CWC27: variants seen among roughly 807,000 people sequenced by gnomAD.
The protein encoded by CWC27 is spliceosome-associated protein CWC27 homolog.
CWC27 carries 47 observed loss-of-function variants against 63.6 expected under a neutral mutation model. That is an observed-to-expected ratio of 0.74 (90% confidence interval 0.58 to 0.94). CWC27 has a LOEUF of 0.94. CWC27 is among the 40% of genes least tolerant of loss of function. The probability of loss-of-function intolerance (pLI) is 0.00; values close to 1 mark genes in which losing one functional copy is unlikely to be tolerated. For synonymous variants in CWC27, 175 were observed against 179.8 expected, an observed-to-expected ratio of 0.97 and a Z score of 0.22; for missense variants, 495 against 554.3, an observed-to-expected ratio of 0.89 and a Z score of 1.07.
intron 10 of CWC27, among the ~76,000 whole-genome samples, chr5:64,826,198 T>C (rs553439851): frequency 4.5e-4 from 69 of 152,334 alleles, no homozygotes; most frequent in Non-Finnish European, 5.7e-4. Context: ...GTGTTCTCAT[T>C]TTCATTCAGC....
At chr5:64,964,232 C>T (rs1305470621) in intron 11 of CWC27, among the ~76,000 whole-genome samples, 1 of 152,136 alleles carries the variant, frequency 6.6e-6, no homozygotes, top group Non-Finnish European at 1.5e-5. Flanking sequence ...TATGTGAACA[C>T]CTTCAGCCAT....
intron 10 of CWC27, among the ~76,000 whole-genome samples, chr5:64,870,481 TTAAAAAA>T (rs1746643352): frequency 1.6e-5 from 2 of 124,404 alleles, no homozygotes; most frequent in African/African-American, 2.7e-5. Flanking sequence ...CTTAAATTGG[TTAAAAAA>T]AAAAAAAAAA....
intron 10 of CWC27, among the ~76,000 whole-genome samples, chr5:64,826,577 A>C (rs1374547852): frequency 6.6e-6 from 1 of 152,182 alleles, no homozygotes; most frequent in Non-Finnish European, 1.5e-5. Flanking sequence ...TTCCTTGATC[A>C]ATCAGTTTTT....
At chr5:64,860,219 C>T (rs1257122251) in intron 10 of CWC27, among the ~76,000 whole-genome samples, 4 of 151,968 alleles carry the variant, frequency 2.6e-5, no homozygotes, top group African/African-American at 7.3e-5. Context: ...TATTTATTTG[C>T]TGATATTTAA....
At chr5:64,805,315 T>C (rs1256434581) in intron 10 of CWC27, among the ~76,000 whole-genome samples, 3 of 151,466 alleles carry the variant, frequency 2.0e-5, no homozygotes, top group Non-Finnish European at 4.4e-5. Flanking sequence ...TCCAGCAATA[T>C]TCACCTGACA....
intron 10 of CWC27, among the ~76,000 whole-genome samples, chr5:64,830,066 T>G (rs1033351986): frequency 2.0e-5 from 3 of 150,916 alleles, no homozygotes; most frequent in African/African-American, 7.3e-5. Flanking sequence ...AGGATACATG[T>G]GCACAACGTG....
intron 11 of CWC27, among the ~76,000 whole-genome samples, chr5:64,950,642 T>G (rs1056204039): frequency 3.9e-5 from 6 of 152,018 alleles, no homozygotes; most frequent in African/African-American, 1.4e-4. Flanking sequence ...TGAGGTATAC[T>G]TTACATACAA....
intron 10 of CWC27, among the ~76,000 whole-genome samples, chr5:64,852,524 T>G (rs915250833): frequency 1.3e-5 from 2 of 150,850 alleles, no homozygotes. Context: ...GAGGCTGGAG[T>G]GCAGCGGCGT....
intron 11 of CWC27, among the ~76,000 whole-genome samples, chr5:64,891,257 T>G (rs1248087181): frequency 6.6e-6 from 1 of 152,160 alleles, no homozygotes; most frequent in Non-Finnish European, 1.5e-5. Context: ...AAAGATAAAG[T>G]TCTCTTATCT....
At chr5:64,783,626 G>A (rs1743774962) in intron 3 of CWC27, among the ~76,000 whole-genome samples, 1 of 152,156 alleles carries the variant, frequency 6.6e-6, no homozygotes, top group Non-Finnish European at 1.5e-5. Flanking sequence ...ACAAAATAGG[G>A]TATATTTCTG....
intron 10 of CWC27, among the ~76,000 whole-genome samples, chr5:64,852,797 T>G (rs1404788772): frequency 6.6e-6 from 1 of 151,886 alleles, no homozygotes; most frequent in African/African-American, 2.4e-5. Flanking sequence ...TTAATTAAAT[T>G]AAGGGCTTTT....
intron 13 of CWC27, among the ~76,000 whole-genome samples, chr5:65,006,807 G>C (rs1436178382): frequency 6.6e-6 from 1 of 151,912 alleles, no homozygotes; most frequent in African/African-American, 2.4e-5. Flanking sequence ...AGAAATAAAA[G>C]AGTAACTTCA....
intron 10 of CWC27, among the ~76,000 whole-genome samples, chr5:64,832,187 G>A (rs1003679305): frequency 9.9e-5 from 15 of 151,792 alleles, no homozygotes; most frequent in African/African-American, 3.6e-4. Flanking sequence ...GTAATATTGT[G>A]CATTAGTCAT....
chr5:64,782,483 T>TAAATAAA (rs1561403481), intron 3 of CWC27, among the ~76,000 whole-genome samples: 12 of 151,414 alleles, frequency 7.9e-5, no homozygotes, highest in Non-Finnish European at 8.8e-5. Flanking sequence ...AATAAATAAA[T>TAAATAAA]TGTCTGTAAA....
chr5:64,792,336 AT>A (rs745813374), intron 7 of CWC27, among the ~76,000 whole-genome samples: 10 of 152,258 alleles, frequency 6.6e-5, no homozygotes, highest in Non-Finnish European at 1.2e-4. Context: ...TACCAAGGAA[AT>A]GTAGGAAACA....
At chr5:64,958,866 C>T (rs772168369) in intron 11 of CWC27, among the ~76,000 whole-genome samples, 1 of 151,992 alleles carries the variant, frequency 6.6e-6, no homozygotes, top group East Asian at 1.9e-4. Flanking sequence ...GACTGAATTA[C>T]ACATAATCAG....
intron 11 of CWC27, among the ~76,000 whole-genome samples, chr5:64,932,660 G>A (rs1216232967): frequency 6.6e-6 from 1 of 152,038 alleles, no homozygotes; most frequent in Non-Finnish European, 1.5e-5. Context: ...AACCATCCAG[G>A]CTTTATAACC....
chr5:64,914,210 C>A (rs1337818983), intron 11 of CWC27, among the ~76,000 whole-genome samples: 1 of 152,026 alleles, frequency 6.6e-6, no homozygotes, highest in Non-Finnish European at 1.5e-5. Flanking sequence ...AATAAAACTT[C>A]TAGAAAATAT....
At chr5:64,983,226 A>T (rs1272459929) in intron 13 of CWC27, among the ~76,000 whole-genome samples, 3 of 152,340 alleles carry the variant, frequency 2.0e-5, no homozygotes, top group South Asian at 2.1e-4. Flanking sequence ...ACTTTAATTT[A>T]AAAAAATTAT....
Sources: gnomAD v4.1 joint callset for allele counts (sites outside exome capture counted in the v4.1 genomes callset) on GRCh38, gnomAD v4.1.1 for gene constraint, MANE v1.5 for transcripts, NCBI Gene and HGNC (gene_info 2026-07-23, HGNC 2026-07-21) for gene names.